The following PIR variants were observed in gnomAD, a reference collection of about 807,000 sequenced individuals.
The protein encoded by PIR is pirin, also known as pirin (iron-binding nuclear protein).
Under a neutral mutation model 24.2 loss-of-function variants are expected in PIR, and 22 were observed. The ratio of observed to expected loss-of-function variants is 0.91; its 90% CI spans 0.65 to 1.30. PIR has a LOEUF of 1.30. PIR is among the 50% of genes most tolerant of loss of function. The probability of loss-of-function intolerance (pLI) is 0.00; values close to 1 mark genes in which losing one functional copy is unlikely to be tolerated. For synonymous variants in PIR, 80 were observed against 79.6 expected, an observed-to-expected ratio of 1.00 and a Z score of -0.03; for missense variants, 220 against 220.3, an observed-to-expected ratio of 1.00 and a Z score of 0.01.
intron 3 of PIR, among the ~76,000 whole-genome samples, chrX:15,462,534 A>G (rs1043773889): frequency 8.9e-6 from 1 of 112,538 alleles, no homozygotes; most frequent in Non-Finnish European, 1.9e-5. Context: ...TACATCAGAT[A>G]TTGCTGTTTT....
intron 5 of PIR, among the ~76,000 whole-genome samples, chrX:15,436,936 G>A (rs1318371411): frequency 8.9e-6 from 1 of 112,035 alleles, no homozygotes; most frequent in Non-Finnish European, 1.9e-5. Context: ...ACAGGCAGGG[G>A]TGTCTGCTTG....
At chrX:15,468,658 G>A (rs1921727587) in intron 3 of PIR, among the ~76,000 whole-genome samples, 1 of 112,569 alleles carries the variant, frequency 8.9e-6, no homozygotes, top group Non-Finnish European at 1.9e-5. Flanking sequence ...GAGTGAGTGT[G>A]ATCATTGAAC....
At chrX:15,483,666 TAGA>T (rs1922633825) in intron 2 of PIR, among the ~76,000 whole-genome samples, 1 of 112,396 alleles carries the variant, frequency 8.9e-6, no homozygotes. Flanking sequence ...CTGGGATTGG[TAGA>T]AGGAGAGGTT....
At chrX:15,386,241 C>T (rs1415975869) in intron 9 of PIR, among the ~76,000 whole-genome samples, 1 of 112,248 alleles carries the variant, frequency 8.9e-6, no homozygotes, top group African/African-American at 3.2e-5. Flanking sequence ...AACTTCTTAA[C>T]CATTGTTATC....
At chrX:15,428,657 GTC>G (rs1259594883) in intron 5 of PIR, among the ~76,000 whole-genome samples, 4 of 110,088 alleles carry the variant, frequency 3.6e-5, no homozygotes, top group Non-Finnish European at 7.6e-5. Flanking sequence ...CTTTCTCTCT[GTC>G]TCTCTCTCTC....
chrX:15,467,660 C>T (rs941585777), intron 3 of PIR, among the ~76,000 whole-genome samples: 4 of 111,909 alleles, frequency 3.6e-5, no homozygotes, highest in African/African-American at 9.7e-5. Context: ...GTTCTACCTA[C>T]CATCTAACTA....
intron 7 of PIR, among the ~76,000 whole-genome samples, chrX:15,398,171 C>T (rs763078552): frequency 2.7e-5 from 3 of 110,953 alleles, no homozygotes; most frequent in South Asian, 7.7e-4. Flanking sequence ...CGGTGCAGCA[C>T]ACCAACATGG....
At chrX:15,484,610 C>T (rs1181793484) in intron 2 of PIR, among the ~76,000 whole-genome samples, 2 of 111,243 alleles carry the variant, frequency 1.8e-5, no homozygotes, top group East Asian at 2.8e-4. Context: ...CCACTGCGCC[C>T]GGCCTCAATC....
chrX:15,419,447 A>C (rs1192211828), intron 6 of PIR, among the ~76,000 whole-genome samples: 1 of 109,445 alleles, frequency 9.1e-6, no homozygotes. Flanking sequence ...AGACAGACTG[A>C]GAAAGAGAGA....
chrX:15,483,094 C>T (rs1407747205), intron 2 of PIR, among the ~76,000 whole-genome samples: 2 of 106,231 alleles, frequency 1.9e-5, no homozygotes, highest in South Asian at 3.9e-4. Flanking sequence ...TCTCATTCTC[C>T]GGTTTTATCT....
At chrX:15,406,538 T>C (rs1924555104) in intron 7 of PIR, among the ~76,000 whole-genome samples, 1 of 111,816 alleles carries the variant, frequency 8.9e-6, no homozygotes, top group Admixed American at 9.5e-5. Context: ...GCTGCCCTGA[T>C]TGGTTTCAGA....
intron 2 of PIR, among the ~76,000 whole-genome samples, chrX:15,488,088 G>T (rs987203858): frequency 2.7e-5 from 3 of 109,402 alleles, no homozygotes; most frequent in African/African-American, 1.0e-4. Context: ...AGACCAGCCT[G>T]ACCAACATGG....
chrX:15,412,416 A>G (rs746786828), intron 6 of PIR, among the ~76,000 whole-genome samples: 1 of 112,071 alleles, frequency 8.9e-6, no homozygotes, highest in Non-Finnish European at 1.9e-5. Flanking sequence ...TATTTTCAAT[A>G]CTTTAATTTT....
intron 7 of PIR, among the ~76,000 whole-genome samples, chrX:15,405,999 G>A (rs1392790516): frequency 2.7e-5 from 3 of 113,005 alleles, no homozygotes; most frequent in Non-Finnish European, 5.6e-5. Flanking sequence ...AGCTCTGGGT[G>A]TGGCCTTCTA....
At chrX:15,454,021 C>G (rs976778854) in intron 5 of PIR, among the ~76,000 whole-genome samples, 1 of 111,561 alleles carries the variant, frequency 9.0e-6, no homozygotes, top group African/African-American at 3.3e-5. Context: ...ATCTCACTAT[C>G]CCCTAAAGGC....
chrX:15,399,354 A>G (rs1257099866), intron 7 of PIR, among the ~76,000 whole-genome samples: 2 of 112,375 alleles, frequency 1.8e-5, no homozygotes, highest in African/African-American at 6.5e-5. Context: ...TATATTTTCT[A>G]GAGAAGACCT....
intron 2 of PIR, among the ~76,000 whole-genome samples, chrX:15,487,205 A>G (rs969012174): frequency 1.8e-5 from 2 of 112,238 alleles, no homozygotes; most frequent in African/African-American, 6.5e-5. Context: ...CCTTGATTCA[A>G]TATCTAGAGA....
At chrX:15,471,729 A>G (rs1921933224) in intron 3 of PIR, among the ~76,000 whole-genome samples, 1 of 111,984 alleles carries the variant, frequency 8.9e-6, no homozygotes, top group Non-Finnish European at 1.9e-5. Context: ...GTTAGAAGGG[A>G]TAGCTTCTGC....
intron 6 of PIR, among the ~76,000 whole-genome samples, chrX:15,408,660 G>A (rs1438187679): frequency 1.8e-5 from 2 of 111,634 alleles, no homozygotes; most frequent in Non-Finnish European, 3.8e-5. Flanking sequence ...AGGCACAGTC[G>A]AAATGGAATC....
Sources: allele counts gnomAD v4.1 joint callset (sites outside exome capture counted in the v4.1 genomes callset), GRCh38; gene constraint gnomAD v4.1.1; transcripts MANE v1.5; gene names NCBI Gene and HGNC (gene_info 2026-07-23, HGNC 2026-07-21).